JAK1: variants seen among roughly 807,000 people sequenced by gnomAD.
JAK1 encodes the protein Janus kinase 1.
JAK1 carries 16 observed loss-of-function variants against 136.6 expected under a neutral mutation model. The ratio of observed to expected loss-of-function variants is 0.12; its 90% confidence interval spans 0.08 to 0.18. JAK1 has a LOEUF of 0.18. JAK1 is among the 10% of genes least tolerant of loss of function. The probability of loss-of-function intolerance (pLI) is 1.00; values close to 1 mark genes in which losing one functional copy is unlikely to be tolerated. For synonymous variants in JAK1, 492 were observed against 519.5 expected (o/e 0.95, Z 0.72); for missense variants, 859 against 1,450.1 (o/e 0.59, Z 6.62).
At chr1:64,997,637 T>A (rs1646715240) in intron 2 of JAK1, among the ~76,000 whole-genome samples, 1 of 152,222 alleles carries the variant, frequency 6.6e-6, no homozygotes, top group African/African-American at 2.4e-5. Context: ...ACTTTTTGTG[T>A]GACTGACATA....
chr1:64,851,073 G>C (rs560093039), intron 11 of JAK1, among the ~76,000 whole-genome samples, 163 bp from the exon 12 acceptor site: 2 of 152,248 alleles, frequency 1.3e-5, no homozygotes, highest in South Asian at 4.1e-4. Context: ...TACCCTCCAG[G>C]AGCTCAGAGG....
chr1:64,914,271 C>G (rs573364660), intron 1 of JAK1, among the ~76,000 whole-genome samples: 3 of 152,142 alleles, frequency 2.0e-5, no homozygotes, highest in Non-Finnish European at 2.9e-5. Context: ...ACGATCTACT[C>G]GCTGCCTTAT....
At chr1:64,990,318 A>G (rs1298158297) in intron 2 of JAK1, 4 of 152,236 alleles carry the variant, frequency 2.6e-5, no homozygotes, top group South Asian at 2.1e-4. Flanking sequence ...CAAACAAACA[A>G]ACAAAAAAAC....
chr1:64,848,702 G>A (rs940346035), intron 12 of JAK1, among the ~76,000 whole-genome samples: 12 of 152,180 alleles, frequency 7.9e-5, no homozygotes, highest in Non-Finnish European at 5.9e-5. Flanking sequence ...GCAATGTCAA[G>A]TTGTTGACAT....
intron 1 of JAK1, among the ~76,000 whole-genome samples, chr1:64,960,566 C>T (rs1646265431): frequency 6.6e-6 from 1 of 152,214 alleles, no homozygotes; most frequent in Non-Finnish European, 1.5e-5. Flanking sequence ...TTACTATCTT[C>T]TATGCAGACG....
In JAK1 at chr1:64,984,832, A is replaced by C. The variant is rs1177112711; in HGVS notation, c.-78+59648T>G. 16 of 1,144,840 alleles carry C rather than the reference A, an allele frequency of 1.4e-5. No individual in the cohort carries two copies. Among genetic ancestry groups the C allele is most frequent in the Non-Finnish European group, 2.0e-5 (15 of 762,520 alleles). 70.9% of individuals were successfully genotyped at this position (1,144,840 alleles called of 1,614,324 possible). On this transcript the variant is annotated intron_variant, in intron 2 of 25. Transcript: ENST00000671954. The surrounding 1 kb of genome is among the most constrained non-coding windows in gnomAD (Gnocchi z 4.1). Reference sequence around the variant, plus strand: ...TAGGCTCCTAAATAGTAAGCAGCAGAAGGGAAAAGCAATCTGACTAGGAAG... The same window carrying C: ...TAGGCTCCTAAATAGTAAGCAGCAGCAGGGAAAAGCAATCTGACTAGGAAG...
rs372734858 is a variant in JAK1, at chr1:64,838,045, G to A, written c.3027C>T (p.Val1009=). 37 of 1,613,998 alleles carry A rather than the reference G, an allele frequency of 2.3e-5. No individual in the cohort carries two copies. Among genetic ancestry groups the A allele is most frequent in the Non-Finnish European group, 3.1e-5 (36 of 1,180,002 alleles). ...TCACTTGGTGTTCACTCTCAACAAGGACATTTCTTGCTGCCAAGTCCCGGT... is the reference window on the plus strand; with the variant it reads ...TCACTTGGTGTTCACTCTCAACAAGAACATTTCTTGCTGCCAAGTCCCGGT... ...YVHRDLAARN[V]LVESEHQVKI... The change falls in exon 22 of 25, where the codon GTC becomes GTT. Residue 1009 remains valine (V), a synonymous_variant. Transcript: ENST00000342505.
rs937524691 is a variant in JAK1, at chr1:64,995,383, C to T, written c.-78+49097G>A. Among the ~76,000 whole-genome samples, 5 of 152,162 alleles carry T rather than the reference C, an allele frequency of 3.3e-5. No individual in the cohort carries two copies. The East Asian group carries it at 5.8e-4, about 18-fold the overall frequency. On this transcript the variant is annotated intron_variant, in intron 2 of 25. Coordinates refer to the JAK1 transcript ENST00000671954. The stretch of plus-strand genomic sequence containing the variant: ...CCTATAGCCCCTTCAAACAATCAGA[C>T]GCCACTGAATGCCCTAAACGGAACT...
At chr1:64,834,959 T>G (rs1654377964) in intron 24 of JAK1, among the ~76,000 whole-genome samples, 1 of 152,232 alleles carries the variant, frequency 6.6e-6, no homozygotes, top group South Asian at 2.1e-4. Flanking sequence ...CTTTCCAGAC[T>G]GGCTGCCTCA....
chr1:64,955,643 G>T lies in JAK1; in HGVS notation c.-78+10690C>A, dbSNP rs376177510. Among the ~76,000 whole-genome samples the T allele has an allele frequency of 2.0e-4, 30 of 152,296 alleles. 5 individuals are homozygous for T. The highest frequency in any genetic ancestry group is 3.3e-4 in the Admixed American group (5 of 15,308). ...CTATAGGCAATAGGGGCTTCTAAAG[G>T]CTTGTGATCAGTAGTCAGACACGGA... On this transcript the variant is annotated intron_variant, in intron 1 of 24. Coordinates refer to ENST00000342505, the MANE Select transcript of JAK1 (RefSeq NM_002227.4).
chr1:64,967,154 C>T (rs1557734161), upstream of JAK1, among the ~76,000 whole-genome samples: 2 of 152,104 alleles, frequency 1.3e-5, no homozygotes, highest in Admixed American at 6.5e-5. Flanking sequence ...CTAATAACCT[C>T]TCAAAGTAGT....
intron 1 of JAK1, among the ~76,000 whole-genome samples, chr1:64,893,269 G>A (rs766839910): frequency 1.2e-4 from 19 of 152,188 alleles, no homozygotes; most frequent in Non-Finnish European, 2.2e-4. Context: ...GAGGGTGCAA[G>A]AGGAACAGAG....
rs530358262 is a variant in JAK1, at chr1:64,982,558, G to A, written c.-78+61922C>T. On this transcript the variant is annotated intron_variant, in intron 2 of 25. Transcript: ENST00000671954. ...ATTATAAAATACGAGGAAGTTCTCT[G>A]GGGGAGGATTTGGGGGAATGGAACC... Among the ~76,000 whole-genome samples the A allele has an allele frequency of 4.6e-5, 7 of 152,256 alleles. No homozygotes were observed. In the East Asian group the frequency reaches 1.3e-3, roughly 29 times the overall value.
At chr1:65,009,519 A>C (rs1646831834) in intron 2 of JAK1, among the ~76,000 whole-genome samples, 1 of 152,222 alleles carries the variant, frequency 6.6e-6, no homozygotes, top group Non-Finnish European at 1.5e-5. Flanking sequence ...AAAAATAATT[A>C]AATTAGGAAG....
intron 4 of JAK1, among the ~76,000 whole-genome samples, chr1:64,877,742 C>G (rs1337473407): frequency 3.9e-5 from 6 of 152,174 alleles, no homozygotes; most frequent in African/African-American, 1.4e-4. Flanking sequence ...CAGGGACATA[C>G]CCCTTCCAGA....
chr1:64,841,231 C>T lies in JAK1; in HGVS notation c.2649+14G>A, dbSNP rs748015764. On this transcript the variant is annotated intron_variant, in intron 19 of 24. Transcript: ENST00000342505. ...GCTCTGCCATCAGCAGCAAGCAGCA[C>T]GGGTGTAACTTACCTCTCCCAAGTC... 12 of 1,589,090 alleles carry T rather than the reference C, an allele frequency of 7.6e-6. No individual in the cohort carries two copies. Among genetic ancestry groups the T allele is most frequent in the South Asian group, 1.1e-5 (1 of 90,632 alleles).
At chr1:65,065,885 C>T (rs532302542) in intron 1 of JAK1, among the ~76,000 whole-genome samples, 1 of 151,736 alleles carries the variant, frequency 6.6e-6, no homozygotes, top group African/African-American at 2.4e-5. Context: ...ACTTCTCTCT[C>T]TCCCTCAACC....
intron 2 of JAK1, among the ~76,000 whole-genome samples, chr1:65,043,908 G>T (rs1420935127): frequency 6.6e-6 from 1 of 152,022 alleles, no homozygotes; most frequent in Non-Finnish European, 1.5e-5. Context: ...TTTTAATAAA[G>T]ATAGGGTTTC....
chr1:64,834,696 A>C (rs1478676980), intron 24 of JAK1, 39 bp from the exon 25 acceptor site: 1 of 1,277,346 alleles, frequency 7.8e-7, no homozygotes, highest in Non-Finnish European at 1.1e-6. Flanking sequence ...AAAATGTTAG[A>C]TCTGGGAACT....
Sources: gnomAD v4.1 joint callset for allele counts (sites outside exome capture counted in the v4.1 genomes callset) on GRCh38, gnomAD v4.1.1 for gene constraint, Gnocchi (gnomAD v3.1) non-coding constraint, MANE v1.5 for transcripts, NCBI Gene and HGNC (gene_info 2026-07-23, HGNC 2026-07-21) for gene names.